DGKG: variants seen among roughly 807,000 people sequenced by gnomAD.
The protein encoded by DGKG is DAG kinase gamma.
DGKG carries 78 observed loss-of-function variants against 105.3 expected under a neutral mutation model. The ratio of observed to expected loss-of-function variants is 0.74; its 90% confidence interval spans 0.62 to 0.89. The LOEUF (loss-of-function observed/expected upper bound fraction) is 0.89, where lower values mean the gene tolerates loss of function less well. Among genes scored for constraint, DGKG ranks in the 40% least tolerant of loss-of-function variants. The pLI is 0.00. For missense variants in DGKG, 958 were observed against 1,020.1 expected, an observed-to-expected ratio of 0.94 and a Z score of 0.83; for synonymous variants, 346 against 367.1, an observed-to-expected ratio of 0.94 and a Z score of 0.66.
At chr3:186,181,277 G>A (rs1264349197) in intron 22 of DGKG, among the ~76,000 whole-genome samples, 3 of 152,226 alleles carry the variant, frequency 2.0e-5, no homozygotes, top group African/African-American at 7.2e-5. Flanking sequence ...GGCTTTGTAA[G>A]TATGTGTTAA....
At chr3:186,342,703 T>C (rs771916171) in intron 1 of DGKG, among the ~76,000 whole-genome samples, 2 of 152,052 alleles carry the variant, frequency 1.3e-5, no homozygotes, top group Non-Finnish European at 2.9e-5. Flanking sequence ...TGATTGTCAA[T>C]GAGGAGAAGG....
At chr3:186,282,053 G>C (rs1309933175) in intron 7 of DGKG, among the ~76,000 whole-genome samples, 3 of 152,144 alleles carry the variant, frequency 2.0e-5, no homozygotes, top group African/African-American at 7.2e-5. Context: ...AGATTTTAGG[G>C]GAGATGTGAT....
intron 19 of DGKG, among the ~76,000 whole-genome samples, chr3:186,247,977 T>TTTCCTTCCTTCCTCCCTTCCTTCCTTCC (rs1390343950): frequency 6.6e-6 from 1 of 152,022 alleles, no homozygotes; most frequent in Admixed American, 6.6e-5. Flanking sequence ...TCCTTCCTTC[T>TTTCCTTCCTTCCTCCCTTCCTTCCTTCC]TTCCTTCCTT....
intron 1 of DGKG, among the ~76,000 whole-genome samples, chr3:186,332,807 A>T (rs1578846788): frequency 6.6e-6 from 1 of 152,214 alleles, no homozygotes; most frequent in Middle Eastern, 3.4e-3. Flanking sequence ...GGCCTTTAAG[A>T]GGTAATTGGG....
At chr3:186,300,199 G>T (rs903704779) in intron 3 of DGKG, among the ~76,000 whole-genome samples, 2 of 152,046 alleles carry the variant, frequency 1.3e-5, no homozygotes, top group Non-Finnish European at 2.9e-5. Context: ...GGCTCTGATT[G>T]CATCTCCAGC....
At chr3:186,215,655 C>T (rs757554053) in intron 20 of DGKG, among the ~76,000 whole-genome samples, 5 of 151,902 alleles carry the variant, frequency 3.3e-5, no homozygotes, top group Non-Finnish European at 5.9e-5. Flanking sequence ...ATGACAATAG[C>T]ATTAGAAGAG....
rs73058023 is a variant in DGKG at position 186,297,179 on chromosome 3, A to G, written c.373+242T>C. 9.6e-3 allele frequency among the ~76,000 whole-genome samples: 1,453 copies of G among 151,992 alleles called. 27 individuals are homozygous for G. Among genetic ancestry groups the G allele is most frequent in the African/African-American group, 0.032 (1,338 of 41,432 alleles). On this transcript the variant is annotated intron_variant, in intron 5 of 24. Coordinates refer to ENST00000265022, the MANE Select transcript of DGKG (RefSeq NM_001346.3). ...AGATAAACATCTAGCAAGCTGTCCCAAGTCCTGACCTGCTCTGTTCTAGGG... is the reference window on the plus strand; with the variant it reads ...AGATAAACATCTAGCAAGCTGTCCCGAGTCCTGACCTGCTCTGTTCTAGGG...
chr3:186,178,056 G>A (rs1717171090), intron 22 of DGKG, among the ~76,000 whole-genome samples: 1 of 152,102 alleles, frequency 6.6e-6, no homozygotes, highest in East Asian at 1.9e-4. Context: ...CTCCACATGA[G>A]GATACAGCAA....
chr3:186,347,869 C>T (rs1726422890), intron 1 of DGKG, among the ~76,000 whole-genome samples: 1 of 152,216 alleles, frequency 6.6e-6, no homozygotes, highest in Admixed American at 6.5e-5. Context: ...AGGCATGAGC[C>T]TCCGCACCCA....
chr3:186,345,955 G>A (rs1038319700), intron 1 of DGKG, among the ~76,000 whole-genome samples: 1 of 152,080 alleles, frequency 6.6e-6, no homozygotes. Context: ...TTTTAATAGC[G>A]ATGGGGTTTC....
intron 13 of DGKG, among the ~76,000 whole-genome samples, chr3:186,265,656 T>C (rs1337408232): frequency 1.5e-5 from 2 of 131,718 alleles, no homozygotes; most frequent in Admixed American, 8.9e-5. Flanking sequence ...TTTCTTCCTT[T>C]CTTTTTTTTT....
chr3:186,183,510 G>A (rs949625506), intron 22 of DGKG, among the ~76,000 whole-genome samples: 12 of 151,994 alleles, frequency 7.9e-5, no homozygotes, highest in African/African-American at 2.9e-4. Context: ...TTCTTGGGGG[G>A]GGGCGGGGTA....
intron 20 of DGKG, among the ~76,000 whole-genome samples, chr3:186,237,632 G>A (rs1264886226): frequency 1.3e-5 from 2 of 152,240 alleles, no homozygotes; most frequent in Non-Finnish European, 2.9e-5. Flanking sequence ...TGAGCAATGA[G>A]TGGGATGATG....
At chr3:186,321,455 CCCA>C (rs1425030151) in intron 1 of DGKG, among the ~76,000 whole-genome samples, 2 of 152,176 alleles carry the variant, frequency 1.3e-5, no homozygotes, top group East Asian at 3.8e-4. Context: ...CAGTTATACA[CCCA>C]TGGTTATACT....
At chr3:186,246,922 C>T (rs1720971478) in intron 19 of DGKG, among the ~76,000 whole-genome samples, 1 of 152,142 alleles carries the variant, frequency 6.6e-6, no homozygotes, top group African/African-American at 2.4e-5. Context: ...GTTCACCCGT[C>T]CTGTTAAGGC....
intron 4 of DGKG, 59 bp from the exon 5 acceptor site, chr3:186,297,542 C>A (rs1560140221): frequency 1.6e-6 from 2 of 1,231,002 alleles, no homozygotes; most frequent in African/African-American, 1.5e-5. Context: ...CTTGGAAGGG[C>A]AGGTACAGGA....
chr3:186,355,675 A>G (rs1323819758), intron 1 of DGKG, among the ~76,000 whole-genome samples: 1 of 150,660 alleles, frequency 6.6e-6, no homozygotes, highest in East Asian at 2.0e-4. Flanking sequence ...TCCTACCACT[A>G]CCATCATTAC....
chr3:186,263,559 C>T (rs1721890875), intron 14 of DGKG, among the ~76,000 whole-genome samples: 1 of 150,338 alleles, frequency 6.7e-6, no homozygotes. Context: ...AAGAGCGAAA[C>T]CCCATCTCAA....
intron 1 of DGKG, among the ~76,000 whole-genome samples, chr3:186,323,464 G>A (rs1467165756): frequency 1.3e-5 from 2 of 152,196 alleles, no homozygotes; most frequent in African/African-American, 4.8e-5. Flanking sequence ...AGTAAACATG[G>A]TGAGGAGAAA....
Sources: gnomAD v4.1 joint callset for allele counts (sites outside exome capture counted in the v4.1 genomes callset) on GRCh38, gnomAD v4.1.1 for gene constraint, MANE v1.5 for transcripts, NCBI Gene and HGNC (gene_info 2026-07-23, HGNC 2026-07-21) for gene names.